Variants in BCAR3 observed in about 807,000 individuals in gnomAD.
The protein encoded by BCAR3 is breast cancer anti-estrogen resistance protein 3.
Under a neutral mutation model 80.1 loss-of-function variants are expected in BCAR3, and 37 were observed. That is an observed-to-expected ratio of 0.46 (90% confidence interval 0.36 to 0.61). The LOEUF (loss-of-function observed/expected upper bound fraction) is 0.61, where lower values mean the gene tolerates loss of function less well. Ranked by LOEUF, BCAR3 falls within the 20% of genes least tolerant of loss-of-function variation. The probability of loss-of-function intolerance (pLI) is 0.00; values close to 1 mark genes in which losing one functional copy is unlikely to be tolerated. For synonymous variants in BCAR3, 389 were observed against 418.9 expected, an observed-to-expected ratio of 0.93 and a Z score of 0.87; for missense variants, 978 against 1,068.2, an observed-to-expected ratio of 0.92 and a Z score of 1.18.
chr1:93,832,342 G>A lies in BCAR3; in HGVS notation c.-63+13225C>T, dbSNP rs368648648. ...ACCCCAGGATCTTGCTTCAAGTGCC[G>A]GAAATCTGGCCACTGGGCCAAGGAA... On this transcript the variant is annotated intron_variant, in intron 2 of 13. Transcript: ENST00000370244. 1.0e-3 allele frequency among the ~76,000 whole-genome samples: 154 copies of A among 152,278 alleles called. 4 individuals are homozygous for A. In the South Asian group the frequency reaches 0.028, roughly 27 times the overall value.
chr1:93,577,784 C>T (rs1673516542), intron 7 of BCAR3, among the ~76,000 whole-genome samples: 1 of 152,230 alleles, frequency 6.6e-6, no homozygotes, highest in Admixed American at 6.5e-5. Context: ...CCCCCACGCT[C>T]TGGGTGGCGA....
intron 2 of BCAR3, among the ~76,000 whole-genome samples, chr1:93,758,627 C>A (rs1406626117): frequency 6.6e-6 from 1 of 152,212 alleles, no homozygotes; most frequent in Non-Finnish European, 1.5e-5. Flanking sequence ...GCATAGCAGA[C>A]TCATAGGCAC....
chr1:93,829,950 T>C (rs982305029), intron 2 of BCAR3, among the ~76,000 whole-genome samples: 10 of 152,206 alleles, frequency 6.6e-5, no homozygotes, highest in Admixed American at 2.0e-4. Flanking sequence ...TGTATAATGA[T>C]AGAGTTCTCA....
chr1:93,634,490 G>T (rs757978530), intron 3 of BCAR3, among the ~76,000 whole-genome samples: 1 of 152,030 alleles, frequency 6.6e-6, no homozygotes, highest in Admixed American at 6.5e-5. Context: ...TCAGGAGTGC[G>T]AGACCAGGCT....
chr1:93,708,169 G>T (rs1219543389), intron 2 of BCAR3, among the ~76,000 whole-genome samples: 4 of 152,184 alleles, frequency 2.6e-5, no homozygotes, highest in Non-Finnish European at 5.9e-5. Flanking sequence ...TATAGAACCT[G>T]AATAGAGAAA....
intron 2 of BCAR3, among the ~76,000 whole-genome samples, chr1:93,842,527 C>T (rs1654996815): frequency 6.6e-6 from 1 of 152,184 alleles, no homozygotes; most frequent in South Asian, 2.1e-4. Context: ...AAGGTCACTA[C>T]TGGACCCTCA....
chr1:93,642,679 G>A (rs545065845), intron 2 of BCAR3, among the ~76,000 whole-genome samples: 1 of 152,336 alleles, frequency 6.6e-6, no homozygotes, highest in Admixed American at 6.5e-5. Flanking sequence ...GACTGGGTAC[G>A]GGAACGTGTG....
At chr1:93,629,524 T>C (rs903721001) in intron 3 of BCAR3, among the ~76,000 whole-genome samples, 2 of 152,242 alleles carry the variant, frequency 1.3e-5, no homozygotes, top group African/African-American at 4.8e-5. Context: ...TTTTCATGTA[T>C]TGTAAACACA....
intron 2 of BCAR3, among the ~76,000 whole-genome samples, chr1:93,812,973 T>C (rs375882291): frequency 1.6e-4 from 25 of 152,238 alleles, no homozygotes; most frequent in African/African-American, 6.0e-4. Context: ...GTCTTTTTAC[T>C]GTTAACATTT....
chr1:93,765,805 T>C (rs1376244650), intron 2 of BCAR3, among the ~76,000 whole-genome samples: 2 of 151,942 alleles, frequency 1.3e-5, no homozygotes, highest in Non-Finnish European at 1.5e-5. Context: ...TAGCTGGGAC[T>C]ATAGGCGCCC....
chr1:93,677,994 T>TC (rs1273472443), intron 1 of BCAR3, among the ~76,000 whole-genome samples: 5 of 152,224 alleles, frequency 3.3e-5, no homozygotes, highest in African/African-American at 1.2e-4. Flanking sequence ...TGCTCTCTCT[T>TC]ACCATGGCTT....
rs1673319641 is a variant in BCAR3, at chr1:93,573,620, T to G, written c.1803-1779A>C. On this transcript the variant is annotated intron_variant, in intron 8 of 11. Coordinates refer to ENST00000260502, the MANE Select transcript of BCAR3 (RefSeq NM_003567.4). The stretch of plus-strand genomic sequence containing the variant: ...ACCTAAAATATATTTTTATTATTAT[T>G]ATTATTATTATTATTTTTTTTTTTT... Among the ~76,000 whole-genome samples, 60 of 141,518 alleles carry G rather than the reference T, an allele frequency of 4.2e-4. 4 individuals carry two copies. Among genetic ancestry groups the G allele is most frequent in the Non-Finnish European group, 5.9e-4 (39 of 65,808 alleles). The allele number at this position is 141,518 out of a possible 152,430, so 92.8% of individuals were successfully genotyped here.
intron 3 of BCAR3, among the ~76,000 whole-genome samples, chr1:93,593,360 A>C (rs544359279): frequency 2.6e-5 from 4 of 152,166 alleles, no homozygotes; most frequent in Admixed American, 2.6e-4. Flanking sequence ...AAAAATGTTT[A>C]TTTATTTTAT....
intron 2 of BCAR3, among the ~76,000 whole-genome samples, chr1:93,668,281 A>G (rs953802263): frequency 4.6e-5 from 7 of 152,192 alleles, no homozygotes; most frequent in Admixed American, 2.0e-4. Flanking sequence ...GAGAATGCGT[A>G]GATCCTGGCA....
intron 2 of BCAR3, among the ~76,000 whole-genome samples, chr1:93,839,321 T>C (rs752840760): frequency 6.6e-6 from 1 of 151,924 alleles, no homozygotes; most frequent in Non-Finnish European, 1.5e-5. Flanking sequence ...TAAACTAAAC[T>C]AAAAAGTGGG....
chr1:93,789,253 G>C (rs563357316), intron 2 of BCAR3, among the ~76,000 whole-genome samples: 193 of 152,298 alleles, frequency 1.3e-3, no homozygotes, highest in Non-Finnish European at 2.5e-3. Flanking sequence ...TGGGATTACA[G>C]GCACAAGCCA....
chr1:93,604,897 G>A (rs569742413), intron 3 of BCAR3, among the ~76,000 whole-genome samples: 13 of 152,258 alleles, frequency 8.5e-5, no homozygotes, highest in African/African-American at 2.4e-4. Context: ...GCACTGTAAC[G>A]TCTCTCTCCA....
At chr1:93,800,186 G>A (rs1388476277) in intron 2 of BCAR3, among the ~76,000 whole-genome samples, 1 of 152,010 alleles carries the variant, frequency 6.6e-6, no homozygotes, top group African/African-American at 2.4e-5. Context: ...TGGTTTATTT[G>A]GATCCATTCA....
chr1:93,767,924 T>G (rs1005506387), intron 2 of BCAR3, among the ~76,000 whole-genome samples: 1 of 152,182 alleles, frequency 6.6e-6, no homozygotes, highest in East Asian at 1.9e-4. Flanking sequence ...TGAAACTAGA[T>G]AGGGGTTACA....
Sources: gnomAD v4.1 joint callset for allele counts (sites outside exome capture counted in the v4.1 genomes callset) on GRCh38, gnomAD v4.1.1 for gene constraint, MANE v1.5 for transcripts, NCBI Gene and HGNC (gene_info 2026-07-23, HGNC 2026-07-21) for gene names.